MRM1: variants seen among roughly 807,000 people sequenced by gnomAD.
The protein encoded by MRM1 is mitochondrial rRNA methyltransferase 1.
Under a neutral mutation model 25.0 loss-of-function variants are expected in MRM1, and 24 were observed. That is an observed-to-expected ratio of 0.96 (90% CI 0.69 to 1.35). MRM1 has a LOEUF of 1.35. MRM1 is among the 40% of genes most tolerant of loss of function. The pLI, the probability that MRM1 is intolerant of heterozygous loss-of-function variation, is 0.00. For missense variants in MRM1, 431 were observed against 464.1 expected, an observed-to-expected ratio of 0.93 and a Z score of 0.65; for synonymous variants, 188 against 199.2, an observed-to-expected ratio of 0.94 and a Z score of 0.47.
At chr17:36,630,969 A>T in the MRM1 span, among the ~76,000 whole-genome samples, 1 of 151,988 alleles carries the variant, frequency 6.6e-6, no homozygotes, top group African/African-American at 2.4e-5. Context: ...CTGGGGCTTA[A>T]CTCTATGTGG....
Position 36,602,366 on chromosome 17 carries a change from T to C in MRM1, c.542+14T>C. 1 of 1,552,628 alleles carries C rather than the reference T, an allele frequency of 6.4e-7. No individual in the cohort carries two copies. The highest frequency in any genetic ancestry group is 8.7e-7 in the Non-Finnish European group (1 of 1,146,632). ...CCGGAGAAACAGGCACGGACGTCCC[T>C]CATTCTCTATGTGCCCCAACTTGGA... On this transcript the variant is annotated intron_variant, in intron 1 of 4. Transcript: ENST00000614766. This position sits in a 1 kb window ranked among gnomAD's most constrained non-coding sequence, Gnocchi z 4.1.
chr17:36,629,751 C>A, the MRM1 span, among the ~76,000 whole-genome samples: 20 of 152,182 alleles, frequency 1.3e-4, no homozygotes, highest in South Asian at 3.5e-3. Context: ...ATCAGCAGGC[C>A]CTGGTGGGGC....
chr17:36,607,558 G>C, intron 2 of MRM1, 112 bp from the exon 3 acceptor site: 1 of 1,323,262 alleles, frequency 7.6e-7, no homozygotes, highest in Non-Finnish European at 1.0e-6. Flanking sequence ...AGGCGGTTGA[G>C]GCTGCGGTGA....
rs532474036 is a variant in MRM1 at position 36,607,003 on chromosome 17, C to T, written c.637-667C>T. Reference sequence around the variant, plus strand: ...AATCTCGGTTGACTGCAGCCTCTGCCTCCCGAGTTCAAGCGATTCTCCTGC... The same window carrying T: ...AATCTCGGTTGACTGCAGCCTCTGCTTCCCGAGTTCAAGCGATTCTCCTGC... On this transcript the variant is annotated intron_variant, in intron 2 of 4. Coordinates refer to ENST00000614766, the MANE Select transcript of MRM1 (RefSeq NM_024864.5). 2.0e-5 allele frequency among the ~76,000 whole-genome samples: 3 copies of T among 151,752 alleles called. No individual in the cohort carries two copies. The South Asian group carries it at 6.2e-4, about 32-fold the overall frequency.
chr17:36,634,257 A>AT, the MRM1 span: 16 of 152,260 alleles, frequency 1.1e-4, no homozygotes, highest in East Asian at 2.1e-3. Context: ...TTCTTTCTGG[A>AT]TTTTCCGGGC....
chr17:36,612,099 G>T (rs545573159), downstream of MRM1, among the ~76,000 whole-genome samples: 2 of 152,108 alleles, frequency 1.3e-5, no homozygotes, highest in Non-Finnish European at 2.9e-5. Flanking sequence ...TGGAGTAGGG[G>T]CTACTTAGGC....
intron 4 of MRM1, 96 bp from the exon 5 acceptor site, chr17:36,608,147 T>A: frequency 6.6e-7 from 1 of 1,523,760 alleles, no homozygotes; most frequent in Non-Finnish European, 8.9e-7. Flanking sequence ...GGAAATTACA[T>A]CCCGTTGATG....
At chr17:36,625,668 G>A in the MRM1 span, among the ~76,000 whole-genome samples, 3 of 151,798 alleles carry the variant, frequency 2.0e-5, no homozygotes, top group African/African-American at 7.3e-5. Context: ...CGCCATGTGG[G>A]TCAGGCTGGT....
downstream of MRM1, among the ~76,000 whole-genome samples, chr17:36,610,136 C>T (rs187974748): frequency 8.2e-3 from 1,244 of 152,130 alleles, 9 homozygotes; most frequent in Non-Finnish European, 0.01. Context: ...CTGTGTTGGC[C>T]AAGCTGGTCT....
chr17:36,603,089 CGTTT>C, intron 2 of MRM1: 2 of 985,384 alleles, frequency 2.0e-6, no homozygotes, highest in African/African-American at 1.7e-5. Context: ...CTCTCCCATC[CGTTT>C]GTCTTCAGCT....
At chr17:36,625,769 G>A in the MRM1 span, among the ~76,000 whole-genome samples, 1 of 151,738 alleles carries the variant, frequency 6.6e-6, no homozygotes, top group Admixed American at 6.6e-5. Flanking sequence ...GCCCCTTTTG[G>A]GCTTCTTGAA....
chr17:36,627,924 C>A, the MRM1 span, among the ~76,000 whole-genome samples: 1 of 152,088 alleles, frequency 6.6e-6, no homozygotes, highest in Non-Finnish European at 1.5e-5. Flanking sequence ...GATCTGCCCA[C>A]CTCAGCCTCT....
the MRM1 span, among the ~76,000 whole-genome samples, chr17:36,617,474 C>T: frequency 6.6e-6 from 1 of 150,948 alleles, no homozygotes; most frequent in East Asian, 2.0e-4. Context: ...CTCACTGCAA[C>T]CTCCGCCTCC....
rs143217140 is a variant in MRM1 at position 36,601,600 on chromosome 17, A to G, written c.-211A>G. On this transcript the variant is annotated 5_prime_UTR_variant, in exon 1 of 5. Transcript: ENST00000614766. The stretch of plus-strand genomic sequence containing the variant: ...GGGCTCCCGAACCCGGAAGCGAGGG[A>G]CCCACGTGGGAGCCTGGGAGCGGGT... The G allele has an allele frequency of 2.4e-3, 1,124 of 473,480 alleles. 3 individuals carry two copies. The highest frequency in any genetic ancestry group is 3.6e-3 in the Non-Finnish European group (988 of 276,248). 29.3% of individuals were successfully genotyped at this position (473,480 alleles called of 1,614,324 possible).
the MRM1 span, among the ~76,000 whole-genome samples, chr17:36,626,504 A>G: frequency 6.6e-6 from 1 of 152,112 alleles, no homozygotes; most frequent in Non-Finnish European, 1.5e-5. Flanking sequence ...CTGTGATTAC[A>G]GGCGCCCACT....
chr17:36,606,842 C>T (rs1429412679), intron 2 of MRM1, among the ~76,000 whole-genome samples: 2 of 151,586 alleles, frequency 1.3e-5, no homozygotes, highest in African/African-American at 4.9e-5. Flanking sequence ...AACTCCTGAC[C>T]TCAGGTGATC....
chr17:36,614,460 C>G, the MRM1 span, among the ~76,000 whole-genome samples: 1 of 152,182 alleles, frequency 6.6e-6, no homozygotes, highest in Non-Finnish European at 1.5e-5. Flanking sequence ...TCCTGAGGGT[C>G]CTGGAAACCT....
At chr17:36,613,239 C>G (rs4796232), downstream of MRM1, among the ~76,000 whole-genome samples, 61,814 of 151,542 alleles carry the variant, frequency 0.41, 13,893 homozygotes, top group African/African-American at 0.6. Flanking sequence ...CAGCACACCT[C>G]CCACCCCCGC....
At chr17:36,604,566 G>A (rs2074910641) in intron 2 of MRM1, among the ~76,000 whole-genome samples, 2 of 152,138 alleles carry the variant, frequency 1.3e-5, no homozygotes, top group African/African-American at 4.8e-5. Flanking sequence ...CAGCACTTTG[G>A]GAGGCTGAGG....
Sources: allele counts gnomAD v4.1 joint callset (sites outside exome capture counted in the v4.1 genomes callset), GRCh38; gene constraint gnomAD v4.1.1; non-coding constraint Gnocchi (gnomAD v3.1); transcripts MANE v1.5; gene names NCBI Gene and HGNC (gene_info 2026-07-23, HGNC 2026-07-21).